The following GPC5 variants were observed in gnomAD, a reference collection of about 807,000 sequenced individuals.
The protein encoded by GPC5 is glypican 5.
Under a neutral mutation model 53.9 loss-of-function variants are expected in GPC5, and 47 were observed. That is an observed-to-expected ratio of 0.87 (90% CI 0.69 to 1.11). GPC5 has a LOEUF of 1.11. Among genes scored for constraint, GPC5 ranks in the 50% most tolerant of loss-of-function variants. The pLI is 0.00. For synonymous variants in GPC5, 286 were observed against 263.3 expected (o/e 1.09, Z -0.84); for missense variants, 748 against 713.1 (o/e 1.05, Z -0.56).
In GPC5 at chr13:92,499,016, C is replaced by T. The variant is rs528293191; in HGVS notation, c.1561+354027C>T. ...TGCTGAAAGATACTAGAAACCTCTTCCCCCCACTTCATCCTAAGTAGTAGA... is the reference window on the plus strand; with the variant it reads ...TGCTGAAAGATACTAGAAACCTCTTTCCCCCACTTCATCCTAAGTAGTAGA... On this transcript the variant is annotated intron_variant, in intron 7 of 7. Transcript: ENST00000377067. Among the ~76,000 whole-genome samples the T allele has an allele frequency of 2.6e-5, 4 of 152,038 alleles. No individual in the cohort carries two copies. The South Asian group carries it at 6.2e-4, about 24-fold the overall frequency.
At chr13:92,116,261 A>G (rs1165203159) in intron 6 of GPC5, among the ~76,000 whole-genome samples, 1 of 10,654 alleles carries the variant, frequency 9.4e-5, no homozygotes, top group East Asian at 0.012. Flanking sequence ...AAACAAACAA[A>G]CAAACAAACA....
intron 7 of GPC5, among the ~76,000 whole-genome samples, chr13:92,166,794 G>A (rs942124593): frequency 6.6e-5 from 10 of 152,026 alleles, no homozygotes; most frequent in Admixed American, 6.6e-4. Context: ...GAATAATGGT[G>A]GGAACTTATT....
At chr13:92,103,067 G>A (rs1023170945) in intron 6 of GPC5, among the ~76,000 whole-genome samples, 7 of 151,930 alleles carry the variant, frequency 4.6e-5, no homozygotes, top group African/African-American at 1.7e-4. Flanking sequence ...GTCCTATGTT[G>A]CCCACACTGT....
chr13:91,888,438 G>C (rs1028832048), intron 5 of GPC5, among the ~76,000 whole-genome samples: 1 of 152,132 alleles, frequency 6.6e-6, no homozygotes, highest in African/African-American at 2.4e-5. Flanking sequence ...TTCTACCTTT[G>C]AGGAATTGCC....
intron 1 of GPC5, among the ~76,000 whole-genome samples, chr13:91,432,207 GTGTGTGTGTGTGT>G (rs1390157078): frequency 4.1e-4 from 50 of 121,630 alleles, no homozygotes; most frequent in Admixed American, 2.8e-3. Context: ...CTGCTGCTGT[GTGTGTGTGTGTGT>G]GTGTGTGTGT....
chr13:91,693,775 CA>C lies in GPC5; in HGVS notation c.916del (p.Met306CysfsTer12), dbSNP rs1295501486. 6.2e-7 allele frequency: 1 copy of C among 1,613,992 alleles called. No individual in the cohort carries two copies. Among genetic ancestry groups the C allele is most frequent in the Non-Finnish European group, 8.5e-7 (1 of 1,180,024 alleles). ...CGGTCGTTGGAAGAACTCTCGGATG[CA>C]ATGCATGGAACATACGACATTGGAC... ...YIRSLEELSDAMHGTYDIGHV... is the reference protein window; with the variant it reads ...YIRSLEELSDXMHGTYDIGHV... On this transcript the variant is annotated frameshift_variant, in exon 3 of 8. Coordinates refer to ENST00000377067, the MANE Select transcript of GPC5 (RefSeq NM_004466.6). LOFTEE classifies it high-confidence loss of function.
intron 3 of GPC5, among the ~76,000 whole-genome samples, chr13:91,697,517 A>T (rs1210097007): frequency 7.3e-6 from 1 of 137,278 alleles, no homozygotes; most frequent in African/African-American, 2.7e-5. Context: ...ATTTTAAATA[A>T]TCATTTAATT....
chr13:91,617,384 T>C (rs185734715), intron 2 of GPC5, among the ~76,000 whole-genome samples: 182 of 152,210 alleles, frequency 1.2e-3, no homozygotes, highest in African/African-American at 4.2e-3. Flanking sequence ...GGAGTCTGGG[T>C]GGCAGAAGGA....
chr13:91,444,883 G>A (rs1334606624), intron 1 of GPC5, among the ~76,000 whole-genome samples: 1 of 152,134 alleles, frequency 6.6e-6, no homozygotes, highest in African/African-American at 2.4e-5. Flanking sequence ...ACTTGTAGGG[G>A]ATATGTTTCA....
At chr13:91,908,553 G>C (rs1055546450) in intron 6 of GPC5, among the ~76,000 whole-genome samples, 4 of 151,924 alleles carry the variant, frequency 2.6e-5, no homozygotes, top group Non-Finnish European at 1.5e-5. Flanking sequence ...CTAGCTAATG[G>C]TTGTTTATGA....
At chr13:92,251,896 A>G (rs985899179) in intron 7 of GPC5, among the ~76,000 whole-genome samples, 1 of 152,164 alleles carries the variant, frequency 6.6e-6, no homozygotes, top group African/African-American at 2.4e-5. Flanking sequence ...TCTACAGCAC[A>G]GTGTTATCCA....
intron 7 of GPC5, among the ~76,000 whole-genome samples, chr13:92,280,214 T>A (rs927701145): frequency 1.1e-4 from 16 of 152,276 alleles, no homozygotes; most frequent in Non-Finnish European, 2.2e-4. Flanking sequence ...TGCTATAATA[T>A]TCGTAGTTCT....
At chr13:91,778,902 T>C (rs1270967900) in intron 5 of GPC5, among the ~76,000 whole-genome samples, 2 of 152,242 alleles carry the variant, frequency 1.3e-5, no homozygotes, top group Non-Finnish European at 2.9e-5. Context: ...GCTAAGCCTA[T>C]TGCTACTAGG....
chr13:91,538,481 C>CAG (rs1258803897), intron 2 of GPC5, among the ~76,000 whole-genome samples: 1 of 151,956 alleles, frequency 6.6e-6, no homozygotes, highest in Non-Finnish European at 1.5e-5. Context: ...TGAGCCTCTC[C>CAG]AGGTACATGT....
At chr13:92,358,824 A>G (rs1354870345) in intron 7 of GPC5, among the ~76,000 whole-genome samples, 2 of 151,826 alleles carry the variant, frequency 1.3e-5, no homozygotes, top group African/African-American at 2.4e-5. Context: ...GGCCCAGTCC[A>G]TGAAACCATT....
At chr13:92,684,293 C>T (rs563791559) in intron 7 of GPC5, among the ~76,000 whole-genome samples, 30 of 151,398 alleles carry the variant, frequency 2.0e-4, no homozygotes, top group African/African-American at 5.1e-4. Context: ...GTTTTTGAGA[C>T]GGAGTCTTGC....
intron 6 of GPC5, among the ~76,000 whole-genome samples, chr13:91,941,880 C>T (rs1172520522): frequency 6.6e-6 from 1 of 152,046 alleles, no homozygotes; most frequent in Admixed American, 6.5e-5. Context: ...TTCCTTCCCT[C>T]ATGCTTTCTT....
intron 4 of GPC5, among the ~76,000 whole-genome samples, chr13:91,736,153 G>T (rs544127335): frequency 6.6e-6 from 1 of 150,970 alleles, no homozygotes; most frequent in South Asian, 2.1e-4. Context: ...AAAGAAAGAG[G>T]GTGAGGGATG....
intron 2 of GPC5, among the ~76,000 whole-genome samples, chr13:91,619,192 G>A (rs551122477): frequency 6.6e-6 from 1 of 152,082 alleles, no homozygotes; most frequent in South Asian, 2.1e-4. Context: ...TGAAAGAACA[G>A]CTGTTAAACA....
Sources: allele counts gnomAD v4.1 joint callset (sites outside exome capture counted in the v4.1 genomes callset), GRCh38; gene constraint gnomAD v4.1.1; transcripts MANE v1.5; gene names NCBI Gene and HGNC (gene_info 2026-07-23, HGNC 2026-07-21).